MAGI2: variants seen among roughly 807,000 people sequenced by gnomAD.
The protein encoded by MAGI2 is membrane associated guanylate kinase, WW and PDZ domain containing 2.
MAGI2 carries 35 observed loss-of-function variants against 133.3 expected under a neutral mutation model. The ratio of observed to expected loss-of-function variants is 0.26; its 90% confidence interval spans 0.20 to 0.35. The LOEUF (loss-of-function observed/expected upper bound fraction) is 0.35. Ranked by LOEUF, MAGI2 falls within the 10% of genes least tolerant of loss-of-function variation. MAGI2 has a pLI of 1.00. For synonymous variants in MAGI2, 729 were observed against 710.6 expected (o/e 1.03, Z -0.41); for missense variants, 1,636 against 1,863.4 (o/e 0.88, Z 2.25).
intron 2 of MAGI2, among the ~76,000 whole-genome samples, chr7:78,912,822 T>C (rs1273186314): frequency 1.5e-4 from 22 of 146,992 alleles, no homozygotes; most frequent in African/African-American, 4.2e-4. Flanking sequence ...ATCATTCATA[T>C]ATATATATAT....
At position 79,291,176 on chromosome 7, in the gene MAGI2, G is replaced by T. The variant is rs183757866; in HGVS notation, c.301+161844C>A. On this transcript the variant is annotated intron_variant, in intron 1 of 21. Transcript: ENST00000354212. ...ATATAAATTGAATCAACAATATGTG[G>T]TCTTTTGTGTCTTTTTTTCATTTAG... Among the ~76,000 whole-genome samples, 847 of 151,880 alleles carry T rather than the reference G, an allele frequency of 5.6e-3. 10 individuals are homozygous for T. The highest frequency in any genetic ancestry group is 6.3e-3 in the Non-Finnish European group (425 of 67,862).
At chr7:78,959,518 T>C (rs1041298303) in intron 2 of MAGI2, among the ~76,000 whole-genome samples, 2 of 152,170 alleles carry the variant, frequency 1.3e-5, no homozygotes, top group African/African-American at 4.8e-5. Context: ...ACACTACCTG[T>C]CAATGAGTGT....
intron 21 of MAGI2, among the ~76,000 whole-genome samples, chr7:78,038,764 T>C (rs866952721): frequency 2.4e-4 from 37 of 152,252 alleles, no homozygotes; most frequent in African/African-American, 8.9e-4. Context: ...GACACTGAAG[T>C]GAATGATAGT....
intron 21 of MAGI2, among the ~76,000 whole-genome samples, chr7:78,046,902 T>C (rs1257782748): frequency 6.6e-6 from 1 of 152,246 alleles, no homozygotes; most frequent in Non-Finnish European, 1.5e-5. Context: ...AATGAAAACA[T>C]ATATGGACTG....
At chr7:78,050,628 T>A (rs183432364) in intron 21 of MAGI2, among the ~76,000 whole-genome samples, 3 of 152,248 alleles carry the variant, frequency 2.0e-5, no homozygotes, top group Admixed American at 6.5e-5. Flanking sequence ...CTCTCTCAGG[T>A]TTGCAGGTTA....
At chr7:79,257,178 A>C (rs1833751292) in intron 1 of MAGI2, among the ~76,000 whole-genome samples, 1 of 152,112 alleles carries the variant, frequency 6.6e-6, no homozygotes, top group South Asian at 2.1e-4. Context: ...AATAATAATA[A>C]TAGTCCCTTG....
chr7:79,113,288 C>T (rs542011529), intron 1 of MAGI2, among the ~76,000 whole-genome samples: 2 of 152,302 alleles, frequency 1.3e-5, no homozygotes, highest in African/African-American at 4.8e-5. Flanking sequence ...GTGGCAGTGC[C>T]AACCTTCCCA....
At chr7:79,073,314 T>C (rs150147789) in intron 1 of MAGI2, among the ~76,000 whole-genome samples, 1 of 152,294 alleles carries the variant, frequency 6.6e-6, no homozygotes, top group East Asian at 1.9e-4. Context: ...AAAAGGGGAT[T>C]AGGTGTTGAA....
chr7:78,271,789 G>C (rs190544167), intron 9 of MAGI2, among the ~76,000 whole-genome samples: 1 of 152,130 alleles, frequency 6.6e-6, no homozygotes, highest in African/African-American at 2.4e-5. Flanking sequence ...CTGTGGGATC[G>C]GTGGTGATAT....
At chr7:79,386,832 C>T (rs1299703994) in intron 1 of MAGI2, among the ~76,000 whole-genome samples, 1 of 151,768 alleles carries the variant, frequency 6.6e-6, no homozygotes, top group African/African-American at 2.4e-5. Context: ...GATCAGTGAC[C>T]TTATATGAGA....
intron 1 of MAGI2, among the ~76,000 whole-genome samples, chr7:79,446,512 T>C (rs1848863733): frequency 6.6e-6 from 1 of 152,122 alleles, no homozygotes; most frequent in Non-Finnish European, 1.5e-5. Context: ...AAAAATGGCA[T>C]AAAACCTCAT....
At chr7:79,411,699 C>T (rs1846153765) in intron 1 of MAGI2, 1 of 152,094 alleles carries the variant, frequency 6.6e-6, no homozygotes, top group African/African-American at 2.4e-5. Flanking sequence ...ACAAAGTTAA[C>T]ACAACCTCCT....
intron 5 of MAGI2, among the ~76,000 whole-genome samples, chr7:78,490,429 G>A (rs1424863555): frequency 6.6e-6 from 1 of 152,000 alleles, no homozygotes; most frequent in Non-Finnish European, 1.5e-5. Context: ...GGATAAGACT[G>A]CCTGCATTCT....
At chr7:78,605,053 G>A (rs551591690) in intron 3 of MAGI2, among the ~76,000 whole-genome samples, 43 of 152,308 alleles carry the variant, frequency 2.8e-4, no homozygotes, top group African/African-American at 1.0e-3. Flanking sequence ...CATGTGAGAG[G>A]AGGTGGCAGT....
intron 1 of MAGI2, among the ~76,000 whole-genome samples, chr7:79,339,464 G>GTTTTTTTTTTTTT (rs71095397): frequency 7.4e-6 from 1 of 134,548 alleles, no homozygotes; most frequent in Non-Finnish European, 1.6e-5. Context: ...TTTTGTTTTT[G>GTTTTTTTTTTTTT]TTTTTTTTTT....
chr7:78,909,815 A>G (rs1202005068), intron 2 of MAGI2, among the ~76,000 whole-genome samples: 1 of 152,116 alleles, frequency 6.6e-6, no homozygotes, highest in African/African-American at 2.4e-5. Context: ...AAATTATTCT[A>G]CTATAAAGAC....
chr7:79,439,668 T>A (rs1352105703), intron 1 of MAGI2, among the ~76,000 whole-genome samples: 3 of 152,162 alleles, frequency 2.0e-5, no homozygotes, highest in Admixed American at 2.0e-4. Flanking sequence ...AAAACAAAAA[T>A]TAATGAATAA....
At chr7:78,526,439 T>C (rs542976480) in intron 3 of MAGI2, among the ~76,000 whole-genome samples, 12 of 152,352 alleles carry the variant, frequency 7.9e-5, no homozygotes, top group African/African-American at 2.9e-4. Context: ...GAATCATCTA[T>C]ACATTAGCAG....
intron 1 of MAGI2, among the ~76,000 whole-genome samples, chr7:79,377,546 C>G (rs1471904907): frequency 6.6e-6 from 1 of 151,700 alleles, no homozygotes; most frequent in Non-Finnish European, 1.5e-5. Flanking sequence ...GGGAGTAAAA[C>G]AAATGAAAGA....
Sources: gnomAD v4.1 joint callset for allele counts (sites outside exome capture counted in the v4.1 genomes callset) on GRCh38, gnomAD v4.1.1 for gene constraint, MANE v1.5 for transcripts, NCBI Gene and HGNC (gene_info 2026-07-23, HGNC 2026-07-21) for gene names.